Variants in SFMBT2 observed in about 807,000 individuals in gnomAD.
The protein encoded by SFMBT2 is Scm like with four mbt domains 2, also known as scm-like with four MBT domains protein 2.
In SFMBT2, 38 loss-of-function variants were observed where a neutral mutation model predicts 110.1. That is an observed-to-expected ratio of 0.35 (90% confidence interval 0.27 to 0.45). The LOEUF (loss-of-function observed/expected upper bound fraction) is 0.45. Ranked by LOEUF, SFMBT2 falls within the 20% of genes least tolerant of loss-of-function variation. The pLI, the probability that SFMBT2 is intolerant of heterozygous loss-of-function variation, is 1.00. For synonymous variants in SFMBT2, 425 were observed against 425.4 expected, an observed-to-expected ratio of 1.00 and a Z score of 0.01; for missense variants, 1,011 against 1,094.9, an observed-to-expected ratio of 0.92 and a Z score of 1.08.
At chr10:7,255,968 C>T (rs538744352) in intron 7 of SFMBT2, among the ~76,000 whole-genome samples, 6 of 152,324 alleles carry the variant, frequency 3.9e-5, no homozygotes, top group Non-Finnish European at 8.8e-5. Context: ...CCCAGAGACA[C>T]GTCTGGTCCC....
At position 7,329,543 on chromosome 10, in the gene SFMBT2, G is replaced by C. The variant is rs1009030674; in HGVS notation, c.436+38106C>G. 27 of 984,578 alleles carry C rather than the reference G, an allele frequency of 2.7e-5. No homozygotes were observed. The African/African-American group carries it at 4.2e-4, about 15-fold the overall frequency. 61.0% of individuals were successfully genotyped at this position (984,578 alleles called of 1,614,324 possible). On this transcript the variant is annotated intron_variant, in intron 4 of 20. Coordinates refer to ENST00000397167, the MANE Select transcript of SFMBT2 (RefSeq NM_001387889.1). ...GCTGCTGCTGCAGGTACCTCTGCTG[G>C]GTCACAAACTGCCCTAGCGCCCAGG...
intron 7 of SFMBT2, among the ~76,000 whole-genome samples, chr10:7,261,135 G>C (rs1251997852): frequency 6.6e-6 from 1 of 152,134 alleles, no homozygotes; most frequent in Non-Finnish European, 1.5e-5. Flanking sequence ...ATGTGAGATA[G>C]TATATGCACA....
At chr10:7,269,779 A>T (rs1841521971) in intron 7 of SFMBT2, among the ~76,000 whole-genome samples, 1 of 151,094 alleles carries the variant, frequency 6.6e-6, no homozygotes, top group African/African-American at 2.4e-5. Flanking sequence ...GATCCTGCAC[A>T]AAGAATACTG....
intron 17 of SFMBT2, among the ~76,000 whole-genome samples, chr10:7,175,183 C>A (rs764385675): frequency 8.5e-5 from 13 of 152,198 alleles, no homozygotes; most frequent in Non-Finnish European, 1.6e-4. Context: ...CTCCCCCTTG[C>A]ATTAGAGAGA....
Position 7,288,234 on chromosome 10 carries a change from GA to G in SFMBT2, c.437-2281del, listed in dbSNP as rs113489490. ...TCAACATCCGCCCACGCACAAGGATGATCATCACACCAAGAGCAAAACCAAC... is the reference window on the plus strand; with the variant it reads ...TCAACATCCGCCCACGCACAAGGATGTCATCACACCAAGAGCAAAACCAAC... On this transcript the variant is annotated intron_variant, in intron 4 of 20. Transcript: ENST00000397167. Among the ~76,000 whole-genome samples the G allele has an allele frequency of 5.0e-3, 759 of 152,244 alleles. 4 individuals carry two copies. Among genetic ancestry groups the G allele is most frequent in the African/African-American group, 0.017 (722 of 41,522 alleles).
intron 6 of SFMBT2, 34 bp downstream of exon 6, chr10:7,283,870 A>T: frequency 7.1e-7 from 1 of 1,410,856 alleles, no homozygotes; most frequent in South Asian, 1.2e-5. Flanking sequence ...CTTTTTCTAA[A>T]ATACTTTACA....
chr10:7,274,671 T>C (rs552343670), intron 7 of SFMBT2, among the ~76,000 whole-genome samples: 1 of 152,276 alleles, frequency 6.6e-6, no homozygotes, highest in African/African-American at 2.4e-5. Flanking sequence ...GTCTCAGGTA[T>C]GTCTTCCCTA....
At chr10:7,206,026 A>G (rs955320998) in intron 11 of SFMBT2, 98 bp from the exon 12 acceptor site, 1 of 1,509,468 alleles carries the variant, frequency 6.6e-7, no homozygotes. Flanking sequence ...ATGGGGAAAA[A>G]CATTCCTTTA....
intron 4 of SFMBT2, among the ~76,000 whole-genome samples, chr10:7,307,705 G>A: frequency 6.6e-6 from 1 of 152,140 alleles, no homozygotes; most frequent in East Asian, 1.9e-4. Context: ...CATGGGAAAG[G>A]CAAAACTACA....
chr10:7,332,029 AAAAAAAAAG>A (rs1040089398), intron 4 of SFMBT2, among the ~76,000 whole-genome samples: 12 of 140,592 alleles, frequency 8.5e-5, no homozygotes, highest in African/African-American at 3.2e-4. Context: ...AAAAAAAAAA[AAAAAAAAAG>A]GAAAGGTGAA....
intron 4 of SFMBT2, among the ~76,000 whole-genome samples, chr10:7,321,435 T>C (rs1052359182): frequency 2.6e-5 from 4 of 152,094 alleles, no homozygotes; most frequent in African/African-American, 7.2e-5. Context: ...TCTCCTGACC[T>C]TGTGATCTGC....
intron 7 of SFMBT2, among the ~76,000 whole-genome samples, chr10:7,259,968 T>A (rs181334124): frequency 6.6e-6 from 1 of 152,234 alleles, no homozygotes; most frequent in African/African-American, 2.4e-5. Context: ...CCACTTTGAA[T>A]GTCTAGTGTA....
intron 20 of SFMBT2, chr10:7,164,367 C>T: frequency 1.0e-6 from 1 of 958,788 alleles, no homozygotes; most frequent in South Asian, 4.8e-5. Context: ...GCCTGGGCAA[C>T]ACAGCAGGAG....
chr10:7,407,939 G>A (rs991495865), intron 1 of SFMBT2, among the ~76,000 whole-genome samples: 1 of 152,212 alleles, frequency 6.6e-6, no homozygotes, highest in Non-Finnish European at 1.5e-5. Context: ...CCAGAGCGGT[G>A]GTCGGCCGGG....
At chr10:7,326,750 A>G (rs1328134827) in intron 4 of SFMBT2, among the ~76,000 whole-genome samples, 1 of 152,170 alleles carries the variant, frequency 6.6e-6, no homozygotes, top group Non-Finnish European at 1.5e-5. Flanking sequence ...TTAACTCTCT[A>G]AAAAGTTCAC....
intron 7 of SFMBT2, among the ~76,000 whole-genome samples, chr10:7,261,635 T>C (rs931432034): frequency 6.6e-6 from 1 of 152,180 alleles, no homozygotes; most frequent in Non-Finnish European, 1.5e-5. Flanking sequence ...TCTAGAGACT[T>C]TGCAGGTCAC....
chr10:7,185,827 C>T (rs1564372177), intron 16 of SFMBT2, among the ~76,000 whole-genome samples: 9 of 150,916 alleles, frequency 6.0e-5, no homozygotes, highest in Non-Finnish European at 5.9e-5. Flanking sequence ...AGGTGGAGGG[C>T]TTTTTTTTTC....
intron 2 of SFMBT2, among the ~76,000 whole-genome samples, chr10:7,374,381 T>G (rs1428182080): frequency 6.6e-6 from 1 of 152,168 alleles, no homozygotes; most frequent in Non-Finnish European, 1.5e-5. Flanking sequence ...CCACAAAGAT[T>G]CGATGATTCT....
chr10:7,257,087 G>C (rs374745333), intron 7 of SFMBT2, among the ~76,000 whole-genome samples: 9 of 112,902 alleles, frequency 8.0e-5, no homozygotes, highest in Non-Finnish European at 1.8e-5. Flanking sequence ...GCGAGACTCC[G>C]TTGGAAAGGG....
Sources: allele counts gnomAD v4.1 joint callset (sites outside exome capture counted in the v4.1 genomes callset), GRCh38; gene constraint gnomAD v4.1.1; transcripts MANE v1.5; gene names NCBI Gene and HGNC (gene_info 2026-07-23, HGNC 2026-07-21).